Variants in STX8 observed in about 807,000 individuals in gnomAD.
The protein encoded by STX8 is syntaxin-8.
In STX8, 23 loss-of-function variants were observed where a neutral mutation model predicts 37.5. The observed-to-expected ratio is 0.61, with a 90% CI of 0.44 to 0.87. The LOEUF is 0.87. STX8 is among the 40% of genes least tolerant of loss of function. The probability of loss-of-function intolerance (pLI) is 0.00; values close to 1 mark genes in which losing one functional copy is unlikely to be tolerated. For missense variants in STX8, 313 were observed against 284.7 expected, an observed-to-expected ratio of 1.10 and a Z score of -0.71; for synonymous variants, 115 against 99.1, an observed-to-expected ratio of 1.16 and a Z score of -0.95.
intron 7 of STX8, among the ~76,000 whole-genome samples, chr17:9,292,360 G>A (rs1034464000): frequency 2.6e-5 from 4 of 152,224 alleles, no homozygotes; most frequent in African/African-American, 9.7e-5. Flanking sequence ...TGTCACCACC[G>A]TGTGGTGGAA....
intron 7 of STX8, among the ~76,000 whole-genome samples, chr17:9,292,300 G>T (rs147669886): frequency 2.2e-4 from 34 of 152,382 alleles, no homozygotes; most frequent in Non-Finnish European, 4.3e-4. Flanking sequence ...CGTGGGGCCT[G>T]TCCGTGGGGC....
intron 6 of STX8, among the ~76,000 whole-genome samples, chr17:9,444,726 T>G (rs1421163732): frequency 6.6e-6 from 1 of 152,222 alleles, no homozygotes; most frequent in Non-Finnish European, 1.5e-5. Context: ...CTTTTTTTAG[T>G]GCAACTTCCT....
intron 7 of STX8, among the ~76,000 whole-genome samples, chr17:9,294,927 GT>G (rs1295183305): frequency 2.0e-5 from 3 of 152,212 alleles, no homozygotes; most frequent in African/African-American, 7.2e-5. Flanking sequence ...GAAAGGCCAC[GT>G]GAGCACAGAG....
intron 7 of STX8, among the ~76,000 whole-genome samples, chr17:9,296,753 C>T (rs963669448): frequency 6.6e-6 from 1 of 151,914 alleles, no homozygotes; most frequent in Non-Finnish European, 1.5e-5. Flanking sequence ...GCTTGCCATG[C>T]AGTATGATTT....
rs530704715 is a variant in STX8, at chr17:9,414,938, C to G, written c.542-36285G>C. ...CCCGAGTAGCTGGGATTACAGGCACCCGCCACCATGCCCAGCTAATTTTTG... is the reference window on the plus strand; with the variant it reads ...CCCGAGTAGCTGGGATTACAGGCACGCGCCACCATGCCCAGCTAATTTTTG... On this transcript the variant is annotated intron_variant, in intron 6 of 7. Transcript: ENST00000306357. 1.5e-3 allele frequency among the ~76,000 whole-genome samples: 232 copies of G among 151,916 alleles called. 2 individuals are homozygous for G. The highest frequency in any genetic ancestry group is 4.8e-3 in the African/African-American group (201 of 41,450).
chr17:9,506,418 C>CG (rs1555532655), intron 4 of STX8, among the ~76,000 whole-genome samples: 9 of 98,606 alleles, frequency 9.1e-5, no homozygotes, highest in Non-Finnish European at 1.8e-4. Context: ...CCCCCCCCCC[C>CG]CCACCCACCT....
intron 7 of STX8, among the ~76,000 whole-genome samples, chr17:9,369,886 C>CAAAA (rs60178482): frequency 0.043 from 2,235 of 51,382 alleles, 78 homozygotes; most frequent in Non-Finnish European, 0.064. Flanking sequence ...GACCCTGTAC[C>CAAAA]AAAAAAAAAA....
chr17:9,539,001 G>C (rs946703310), intron 4 of STX8, among the ~76,000 whole-genome samples: 6 of 152,142 alleles, frequency 3.9e-5, no homozygotes, highest in African/African-American at 1.4e-4. Flanking sequence ...TCTTCTAAGA[G>C]ACACTGTTGC....
At chr17:9,451,645 C>T (rs1169077737) in intron 6 of STX8, among the ~76,000 whole-genome samples, 1 of 151,976 alleles carries the variant, frequency 6.6e-6, no homozygotes, top group Non-Finnish European at 1.5e-5. Context: ...TCTAAGTTCT[C>T]CTTTCAATAA....
In STX8 at chr17:9,335,771, A is replaced by G. The variant is rs149401720; in HGVS notation, c.643+42781T>C. ...GAATTTCGAAAAATAAATTATAGTT[A>G]CACTAATACAACCATGGCATTCAAG... On this transcript the variant is annotated intron_variant, in intron 7 of 7. Transcript: ENST00000306357. Among the ~76,000 whole-genome samples, 896 of 152,218 alleles carry G rather than the reference A, an allele frequency of 5.9e-3. 12 individuals are homozygous for G. Among genetic ancestry groups the G allele is most frequent in the African/African-American group, 0.02 (839 of 41,524 alleles).
intron 6 of STX8, among the ~76,000 whole-genome samples, chr17:9,438,671 G>A (rs1285557658): frequency 2.6e-5 from 4 of 152,134 alleles, no homozygotes; most frequent in Admixed American, 6.6e-5. Flanking sequence ...GCTCACGTCT[G>A]TAATCCCAGC....
At chr17:9,262,287 T>C (rs1039649305) in intron 7 of STX8, among the ~76,000 whole-genome samples, 2 of 152,190 alleles carry the variant, frequency 1.3e-5, no homozygotes, top group Admixed American at 6.5e-5. Flanking sequence ...CCTGCCTCCA[T>C]ACGCACAGCT....
At chr17:9,395,799 C>T (rs1428329487) in intron 6 of STX8, among the ~76,000 whole-genome samples, 1 of 152,100 alleles carries the variant, frequency 6.6e-6, no homozygotes, top group East Asian at 1.9e-4. Context: ...GACAATTATA[C>T]CCAGAAGTTC....
intron 6 of STX8, among the ~76,000 whole-genome samples, chr17:9,426,392 T>G (rs1913631262): frequency 6.6e-6 from 1 of 152,058 alleles, no homozygotes; most frequent in African/African-American, 2.4e-5. Flanking sequence ...CTGGGCGTGG[T>G]GGTCGGCACC....
In STX8 at chr17:9,518,309, CTCCAGGCCTTACCAGACCCCTCT is replaced by C. The variant is rs573555292; in HGVS notation, c.324-13170_324-13148del. On this transcript the variant is annotated intron_variant, in intron 4 of 7. Transcript: ENST00000306357. ...CTTCCCAGGTCTTACCAGACCCCTC[CTCCAGGCCTTACCAGACCCCTCT>C]TCCAGGCCTCATGTGTCACAGCTAA... Among the ~76,000 whole-genome samples, 107 of 143,362 alleles carry C rather than the reference CTCCAGGCCTTACCAGACCCCTCT, an allele frequency of 7.5e-4. 1 individual carries two copies. In the South Asian group the frequency reaches 0.012, roughly 16 times the overall value. The allele number at this position is 143,362 out of a possible 152,430, so 94.1% of individuals were successfully genotyped here.
chr17:9,484,482 G>T (rs1906491444), intron 6 of STX8, among the ~76,000 whole-genome samples: 1 of 151,828 alleles, frequency 6.6e-6, no homozygotes, highest in South Asian at 2.1e-4. Context: ...GTAATTGGCA[G>T]GAGGGGGAAG....
intron 7 of STX8, chr17:9,305,657 G>A (rs1428762300): frequency 6.6e-6 from 1 of 151,330 alleles, no homozygotes. Flanking sequence ...TAGTGATGCT[G>A]TGGTCAACAG....
chr17:9,356,213 A>C (rs966055023), intron 7 of STX8, among the ~76,000 whole-genome samples: 1 of 152,218 alleles, frequency 6.6e-6, no homozygotes. Context: ...TCAGTGTGAC[A>C]ATACTGTTTC....
intron 6 of STX8, among the ~76,000 whole-genome samples, chr17:9,449,039 C>T (rs1231113686): frequency 6.6e-6 from 1 of 152,146 alleles, no homozygotes. Context: ...AACTCTCATA[C>T]ACCACTGATG....
Sources: gnomAD v4.1 joint callset for allele counts (sites outside exome capture counted in the v4.1 genomes callset) on GRCh38, gnomAD v4.1.1 for gene constraint, MANE v1.5 for transcripts, NCBI Gene and HGNC (gene_info 2026-07-23, HGNC 2026-07-21) for gene names.